The following PTPRD variants were observed in gnomAD, a reference collection of about 807,000 sequenced individuals.
The protein encoded by PTPRD is receptor-type tyrosine-protein phosphatase delta.
In PTPRD, 34 loss-of-function variants were observed where a neutral mutation model predicts 214.5. The ratio of observed to expected loss-of-function variants is 0.16; its 90% CI spans 0.12 to 0.21. PTPRD has a LOEUF of 0.21. Ranked by LOEUF, PTPRD falls within the 10% of genes least tolerant of loss-of-function variation. The pLI is 1.00. For missense variants in PTPRD, 2,545 were observed against 2,398.7 expected (o/e 1.06, Z -1.27); for synonymous variants, 1,128 against 845.7 (o/e 1.33, Z -5.79).
intron 9 of PTPRD, among the ~76,000 whole-genome samples, chr9:9,267,440 C>T (rs1940475663): frequency 6.6e-6 from 1 of 151,202 alleles, no homozygotes; most frequent in Non-Finnish European, 1.5e-5. Context: ...AGGCCAAGAC[C>T]TCATGGCCTC....
intron 6 of PTPRD, among the ~76,000 whole-genome samples, chr9:9,738,217 C>G (rs12238802): frequency 0.04 from 6,123 of 151,980 alleles, 731 homozygotes; most frequent in East Asian, 0.4. Flanking sequence ...CAAACCTGCA[C>G]GTTGTGCACA....
intron 8 of PTPRD, among the ~76,000 whole-genome samples, chr9:9,573,964 C>T (rs1255694470): frequency 1.3e-5 from 2 of 151,658 alleles, no homozygotes; most frequent in Non-Finnish European, 3.0e-5. Flanking sequence ...GATGTCATTT[C>T]CCCCAAGTAT....
At chr9:10,600,321 T>C (rs1009852295) in intron 2 of PTPRD, among the ~76,000 whole-genome samples, 1 of 151,796 alleles carries the variant, frequency 6.6e-6, no homozygotes, top group Non-Finnish European at 1.5e-5. Flanking sequence ...TCATATCATA[T>C]ACACTCTCCC....
intron 11 of PTPRD, among the ~76,000 whole-genome samples, chr9:8,828,090 A>G (rs1434424238): frequency 6.6e-6 from 1 of 152,242 alleles, no homozygotes; most frequent in East Asian, 1.9e-4. Context: ...TACAATCCAC[A>G]GATGAAGAGC....
At chr9:8,790,337 AATTT>A in intron 11 of PTPRD, among the ~76,000 whole-genome samples, 1 of 152,110 alleles carries the variant, frequency 6.6e-6, no homozygotes, top group African/African-American at 2.4e-5. Context: ...AAAATAAATA[AATTT>A]ATTATTTATT....
In PTPRD at chr9:8,468,933, T is replaced by C. The variant is rs566717481; in HGVS notation, c.3504+2062A>G. ...GTACTGGAGGTAATTCCAGAAGATATATCAAGGGCTTTAGTTCTTTATCAG... is the reference window on the plus strand; with the variant it reads ...GTACTGGAGGTAATTCCAGAAGATACATCAAGGGCTTTAGTTCTTTATCAG... On this transcript the variant is annotated intron_variant, in intron 31 of 45. Coordinates refer to ENST00000381196, the MANE Select transcript of PTPRD (RefSeq NM_002839.4). Among the ~76,000 whole-genome samples the C allele has an allele frequency of 5.9e-5, 9 of 151,968 alleles. No individual in the cohort carries two copies. The South Asian group carries it at 1.9e-3, about 32-fold the overall frequency.
At chr9:9,533,213 A>G (rs1226849218) in intron 8 of PTPRD, among the ~76,000 whole-genome samples, 1 of 152,138 alleles carries the variant, frequency 6.6e-6, no homozygotes, top group African/African-American at 2.4e-5. Flanking sequence ...GTCCATAGAT[A>G]TCAAACCTGC....
At chr9:8,485,198 G>A (rs2096974018) in intron 29 of PTPRD, 29 bp downstream of exon 29, 8 of 1,585,926 alleles carry the variant, frequency 5.0e-6, no homozygotes, top group African/African-American at 2.7e-5. Context: ...TTTTATCTGT[G>A]ATTTCTTACA....
intron 4 of PTPRD, among the ~76,000 whole-genome samples, chr9:9,944,011 A>G (rs887361044): frequency 6.6e-6 from 1 of 152,144 alleles, no homozygotes; most frequent in Non-Finnish European, 1.5e-5. Flanking sequence ...CAGAGTATCT[A>G]AAAGTTGGAA....
chr9:9,938,631 A>T (rs2090394015), intron 4 of PTPRD, 21 bp from the exon 5 acceptor site: 1 of 152,132 alleles, frequency 6.6e-6, no homozygotes, highest in Non-Finnish European at 1.5e-5. Context: ...ACATAGTGTC[A>T]GTCATTTCTT....
chr9:10,542,363 T>TA (rs1421903479), intron 2 of PTPRD, among the ~76,000 whole-genome samples: 1 of 152,152 alleles, frequency 6.6e-6, no homozygotes, highest in East Asian at 1.9e-4. Flanking sequence ...TGTAAGGATT[T>TA]AAAGAAAAGT....
At chr9:9,676,670 T>C (rs1448706896) in intron 7 of PTPRD, among the ~76,000 whole-genome samples, 1 of 152,128 alleles carries the variant, frequency 6.6e-6, no homozygotes, top group African/African-American at 2.4e-5. Context: ...TCAAATGGTA[T>C]TTCTAGTTCT....
chr9:10,425,272 A>G (rs1452835567), intron 2 of PTPRD, among the ~76,000 whole-genome samples: 1 of 151,984 alleles, frequency 6.6e-6, no homozygotes, highest in African/African-American at 2.4e-5. Flanking sequence ...TTAAAATGCT[A>G]AACAAAAAAA....
intron 8 of PTPRD, among the ~76,000 whole-genome samples, chr9:9,501,202 C>G (rs974816554): frequency 2.6e-5 from 4 of 151,670 alleles, no homozygotes; most frequent in Admixed American, 6.6e-5. Context: ...CTATTAAAAG[C>G]CAAAGATTGT....
At chr9:8,766,757 G>C (rs2094784434) in intron 11 of PTPRD, among the ~76,000 whole-genome samples, 1 of 152,116 alleles carries the variant, frequency 6.6e-6, no homozygotes, top group Non-Finnish European at 1.5e-5. Flanking sequence ...TTGTTTTTAT[G>C]AATCTTTCTT....
At chr9:10,483,177 T>C (rs570049306) in intron 2 of PTPRD, among the ~76,000 whole-genome samples, 2 of 152,010 alleles carry the variant, frequency 1.3e-5, no homozygotes, top group South Asian at 2.1e-4. Flanking sequence ...AAAACACAAA[T>C]TGGGGAAAGG....
Position 8,941,711 on chromosome 9 carries a change from T to C in PTPRD, c.-104+76986A>G, listed in dbSNP as rs185729388. Among the ~76,000 whole-genome samples the C allele has an allele frequency of 4.9e-4, 74 of 152,274 alleles. 1 individual carries two copies. The East Asian group carries it at 0.011, about 23-fold the overall frequency. On this transcript the variant is annotated intron_variant, in intron 11 of 45. Coordinates refer to ENST00000381196, the MANE Select transcript of PTPRD (RefSeq NM_002839.4). ...AGTGAGTTAAAGTGGCTGAAACAGA[T>C]CTCACAAAAATCCAGCAAAAATACG...
intron 14 of PTPRD, among the ~76,000 whole-genome samples, chr9:8,601,053 C>A (rs933329441): frequency 1.3e-5 from 2 of 152,066 alleles, no homozygotes; most frequent in Non-Finnish European, 2.9e-5. Context: ...TCCTGGCAGC[C>A]ACAAGCTGAC....
intron 9 of PTPRD, among the ~76,000 whole-genome samples, chr9:9,204,425 A>C (rs1453018579): frequency 1.3e-5 from 2 of 152,204 alleles, no homozygotes; most frequent in African/African-American, 4.8e-5. Context: ...AGACCAAGTC[A>C]GCTAGTTTAA....
Sources: allele counts gnomAD v4.1 joint callset (sites outside exome capture counted in the v4.1 genomes callset), GRCh38; gene constraint gnomAD v4.1.1; transcripts MANE v1.5; gene names NCBI Gene and HGNC (gene_info 2026-07-23, HGNC 2026-07-21).